The following MS4A10 variants were observed in gnomAD, a reference collection of about 807,000 sequenced individuals.
MS4A10 encodes the protein membrane spanning 4-domains A10, also known as membrane-spanning 4-domains subfamily A member 10.
In MS4A10, 27 loss-of-function variants were observed where a neutral mutation model predicts 27.7. The observed-to-expected ratio is 0.98, with a 90% CI of 0.72 to 1.35. The LOEUF is 1.35. MS4A10 is among the 40% of genes most tolerant of loss of function. The pLI is 0.00. For synonymous variants in MS4A10, 139 were observed against 131.2 expected (o/e 1.06, Z -0.41); for missense variants, 338 against 324.7 (o/e 1.04, Z -0.32).
rs1246707762 is a variant in MS4A10 at position 60,792,280 on chromosome 11, A to G, written c.319A>G (p.Ile107Val). 6.2e-7 allele frequency: 1 copy of G among 1,613,624 alleles called. No individual in the cohort carries two copies. Among genetic ancestry groups the G allele is most frequent in the Admixed American group, 1.7e-5 (1 of 59,996 alleles). ...TGTCCTGCAGTTTCTCATTTCAGGGATCTTGGCGATAACAATGAAGACCTT... is the reference window on the plus strand; with the variant it reads ...TGTCCTGCAGTTTCTCATTTCAGGGGTCTTGGCGATAACAATGAAGACCTT... ...WGAASFLISG[I>V]LAITMKTFSK... The change falls in exon 4 of 8, where the codon ATC becomes GTC. Residue 107 changes from isoleucine (I) to valine (V), a missense_variant. Physicochemically the swap from Ile to Val is conservative, Grantham distance 29 (BLOSUM62 3). Transcript: ENST00000308287.
At chr11:60,790,903 G>A (rs1338858612) in intron 2 of MS4A10, 71 bp from the exon 3 acceptor site, 70 of 1,592,038 alleles carry the variant, frequency 4.4e-5, no homozygotes, top group Non-Finnish European at 5.5e-5. Flanking sequence ...AGTAGGTCCA[G>A]GGCACTAGTG....
At chr11:60,798,678 T>A (rs1012407250) in intron 7 of MS4A10, among the ~76,000 whole-genome samples, 164 bp downstream of exon 7, 2 of 152,160 alleles carry the variant, frequency 1.3e-5, no homozygotes, top group African/African-American at 4.8e-5. Flanking sequence ...AAGGCAGCAA[T>A]GGTCCTATCC....
At chr11:60,799,254 G>A (rs772828978) in intron 7 of MS4A10, among the ~76,000 whole-genome samples, 5 of 152,092 alleles carry the variant, frequency 3.3e-5, no homozygotes, top group Admixed American at 6.6e-5. Flanking sequence ...CTTCAGCCTC[G>A]GAATTTCAAA....
At chr11:60,798,924 G>A (rs532867346) in intron 7 of MS4A10, among the ~76,000 whole-genome samples, 2 of 152,216 alleles carry the variant, frequency 1.3e-5, no homozygotes, top group African/African-American at 2.4e-5. Flanking sequence ...GGGCAGCCAG[G>A]AAGGAAGGTC....
At chr11:60,790,845 G>C in intron 2 of MS4A10, 129 bp from the exon 3 acceptor site, 1 of 1,343,486 alleles carries the variant, frequency 7.4e-7, no homozygotes, top group Admixed American at 2.2e-5. Flanking sequence ...TTCTTAGAGA[G>C]CCTGGTCTCT....
intron 1 of MS4A10, among the ~76,000 whole-genome samples, chr11:60,788,107 G>C (rs1854370064): frequency 6.6e-6 from 1 of 152,178 alleles, no homozygotes; most frequent in African/African-American, 2.4e-5. Context: ...TACTAAAACA[G>C]AGTGTGCCAC....
intron 2 of MS4A10, 80 bp downstream of exon 2, chr11:60,790,598 G>C: frequency 6.9e-7 from 1 of 1,449,684 alleles, no homozygotes; most frequent in African/African-American, 1.4e-5. Flanking sequence ...GGGGCCCCAA[G>C]GGAAGAAAGG....
chr11:60,793,843 G>C, intron 4 of MS4A10, 129 bp from the exon 5 acceptor site: 1 of 1,028,052 alleles, frequency 9.7e-7, no homozygotes, highest in Non-Finnish European at 1.4e-6. Context: ...GGCAGAGGGG[G>C]CCTTGGGCCC....
chr11:60,799,354 C>T (rs510570), intron 7 of MS4A10, among the ~76,000 whole-genome samples: 148,440 of 152,296 alleles, frequency 0.97, 72,458 homozygotes, highest in Middle Eastern at 1. Context: ...GTCTTCAGGA[C>T]TTTTGCTTAT....
intron 6 of MS4A10, among the ~76,000 whole-genome samples, chr11:60,796,236 C>T (rs1013263370): frequency 2.1e-5 from 3 of 145,454 alleles, no homozygotes; most frequent in East Asian, 2.0e-4. Context: ...TGGATATAGA[C>T]GTGCAGATAT....
At chr11:60,797,065 T>G (rs778271331) in intron 6 of MS4A10, among the ~76,000 whole-genome samples, 13 of 152,078 alleles carry the variant, frequency 8.5e-5, no homozygotes, top group Non-Finnish European at 1.5e-4. Context: ...CCTCTGAGTT[T>G]CATTTAACAT....
intron 5 of MS4A10, 152 bp from the exon 6 acceptor site, chr11:60,795,403 C>T: frequency 4.3e-6 from 2 of 461,228 alleles, no homozygotes; most frequent in East Asian, 7.2e-5. Context: ...CACAGAGACC[C>T]ACCCTGCCTT....
At chr11:60,791,450 G>A (rs1240393146) in intron 3 of MS4A10, among the ~76,000 whole-genome samples, 4 of 152,224 alleles carry the variant, frequency 2.6e-5, no homozygotes, top group African/African-American at 7.2e-5. Context: ...CCAGCTACAG[G>A]TGCCCTGTTG....
At chr11:60,798,322 G>T in intron 6 of MS4A10, 74 bp from the exon 7 acceptor site, 1 of 1,145,958 alleles carries the variant, frequency 8.7e-7, no homozygotes, top group Non-Finnish European at 1.3e-6. Context: ...AAGTGAACTA[G>T]CAGAGAAGTG....
intron 6 of MS4A10, among the ~76,000 whole-genome samples, chr11:60,796,999 T>A (rs887185322): frequency 6.6e-6 from 1 of 152,170 alleles, no homozygotes. Context: ...CTGATTTTCA[T>A]GTTAGTGACC....
intron 6 of MS4A10, among the ~76,000 whole-genome samples, chr11:60,796,256 T>C (rs998729489): frequency 6.6e-6 from 1 of 152,054 alleles, no homozygotes; most frequent in Non-Finnish European, 1.5e-5. Context: ...TACAGATAAA[T>C]ATAGCTGTAT....
At chr11:60,787,793 G>A (rs960468274) in intron 1 of MS4A10, among the ~76,000 whole-genome samples, 20 of 152,084 alleles carry the variant, frequency 1.3e-4, no homozygotes, top group African/African-American at 3.9e-4. Flanking sequence ...CAAGGTAGGC[G>A]GATCACCTGA....
At chr11:60,786,501 T>G (rs1174724085) in intron 1 of MS4A10, among the ~76,000 whole-genome samples, 2 of 152,008 alleles carry the variant, frequency 1.3e-5, no homozygotes, top group South Asian at 2.1e-4. Flanking sequence ...TCTCCCCCTG[T>G]AAGCAGGATG....
At position 60,790,973 on chromosome 11, in the gene MS4A10, G is replaced by A. The variant is rs768398085; in HGVS notation, c.184-1G>A. 57 of 1,614,090 alleles carry A rather than the reference G, an allele frequency of 3.5e-5. 2 individuals carry two copies. The South Asian group carries it at 6.2e-4, about 17-fold the overall frequency. ...CCAGCCATTCTCTCTTCCCCACCCAGGCCTTCCACATCACCATCGCTCTGC... is the reference window on the plus strand; with the variant it reads ...CCAGCCATTCTCTCTTCCCCACCCAAGCCTTCCACATCACCATCGCTCTGC... On this transcript the variant is annotated splice_acceptor_variant, in intron 2 of 7. Coordinates refer to ENST00000308287, the MANE Select transcript of MS4A10 (RefSeq NM_206893.4). LOFTEE classifies it high-confidence loss of function.
Sources: gnomAD v4.1 joint callset for allele counts (sites outside exome capture counted in the v4.1 genomes callset) on GRCh38, gnomAD v4.1.1 for gene constraint, MANE v1.5 for transcripts, NCBI Gene and HGNC (gene_info 2026-07-23, HGNC 2026-07-21) for gene names.